Variants in KRABD4 observed in about 807,000 individuals in gnomAD.
The protein encoded by KRABD4 is KRAB domain containing 4, also known as KRAB domain-containing protein 4.
chrX:46,455,502 T>C, the KRABD4 span: 1 of 431,791 alleles, frequency 2.3e-6, no homozygotes, highest in Non-Finnish European at 4.2e-6. Flanking sequence ...TAGCAGTTTG[T>C]CCACCTGAGA....
chrX:46,447,411 A>T, the KRABD4 span: 1 of 111,202 alleles, frequency 9.0e-6, no homozygotes, highest in Non-Finnish European at 1.9e-5. Flanking sequence ...TCGTGGGGTC[A>T]TGGGGCCATG....
At chrX:46,463,351 G>T in the KRABD4 span, 1 of 1,119,063 alleles carries the variant, frequency 8.9e-7, no homozygotes, top group East Asian at 3.0e-5. Context: ...GTTGGTGAGA[G>T]CTTGGCCTCT....
At chrX:46,456,893 ATCTTT>A in the KRABD4 span, 1 of 350,290 alleles carries the variant, frequency 2.9e-6, no homozygotes, top group Non-Finnish European at 4.8e-6. Context: ...GAAGTAAGTC[ATCTTT>A]CTTACTGCGC....
At chrX:46,456,847 G>T in the KRABD4 span, 1 of 441,670 alleles carries the variant, frequency 2.3e-6, no homozygotes, top group Non-Finnish European at 3.5e-6. Flanking sequence ...AGGATGGTAT[G>T]TAATGAGTTG....
the KRABD4 span, chrX:46,455,157 A>T: frequency 4.5e-6 from 4 of 893,691 alleles, no homozygotes; most frequent in East Asian, 1.4e-4. Context: ...ACACAGCATG[A>T]TCACTAAGTA....
At chrX:46,455,713 C>T in the KRABD4 span, 2 of 380,877 alleles carry the variant, frequency 5.3e-6, no homozygotes, top group Admixed American at 6.8e-5. Flanking sequence ...GCTGTGTGAA[C>T]GTTATTCAGT....
At chrX:46,465,029 T>TTC in the KRABD4 span, among the ~76,000 whole-genome samples, 7 of 112,055 alleles carry the variant, frequency 6.2e-5, no homozygotes, top group East Asian at 1.1e-3. Flanking sequence ...CAGTTTTATC[T>TTC]TCTCTCTATG....
the KRABD4 span, among the ~76,000 whole-genome samples, chrX:46,463,949 A>G: frequency 2.7e-5 from 3 of 109,693 alleles, no homozygotes; most frequent in Non-Finnish European, 5.7e-5. Context: ...ATTTCTTCTC[A>G]GACTCTTACA....
the KRABD4 span, among the ~76,000 whole-genome samples, chrX:46,459,842 C>T: frequency 8.9e-6 from 1 of 111,840 alleles, no homozygotes; most frequent in African/African-American, 3.3e-5. Context: ...AATCCCAGGC[C>T]CCAGGCTGTT....
chrX:46,470,929 T>A, the KRABD4 span, among the ~76,000 whole-genome samples: 1 of 111,652 alleles, frequency 9.0e-6, no homozygotes, highest in African/African-American at 3.2e-5. Context: ...ATGTTCTATC[T>A]TGGTGAATGT....
the KRABD4 span, chrX:46,474,041 G>C: frequency 3.5e-5 from 4 of 112,755 alleles, no homozygotes; most frequent in African/African-American, 1.3e-4. Context: ...CAGATTGACT[G>C]TCATGGGATT....
the KRABD4 span, among the ~76,000 whole-genome samples, chrX:46,460,927 G>C: frequency 1.0e-5 from 1 of 98,366 alleles, no homozygotes; most frequent in Non-Finnish European, 2.0e-5. Flanking sequence ...ATCCTGTCTG[G>C]TTTTCTGGTG....
At chrX:46,472,774 T>C in the KRABD4 span, 1 of 1,210,929 alleles carries the variant, frequency 8.3e-7, no homozygotes, top group Admixed American at 2.2e-5. Context: ...GATGAGCAGA[T>C]AGATCACTAC....
chrX:46,472,037 T>C, the KRABD4 span: 1 of 112,150 alleles, frequency 8.9e-6, no homozygotes, highest in Admixed American at 9.5e-5. Flanking sequence ...AGAGTTATTT[T>C]CCATGGAAAT....
At chrX:46,450,605 C>A in the KRABD4 span, 1 of 516,146 alleles carries the variant, frequency 1.9e-6, no homozygotes, top group Non-Finnish European at 3.2e-6. Flanking sequence ...TGTTCTCAAC[C>A]TCTGGTTTCT....
At chrX:46,462,364 G>T in the KRABD4 span, 1 of 192,305 alleles carries the variant, frequency 5.2e-6, no homozygotes, top group East Asian at 1.2e-4. Flanking sequence ...ACAAAAATTA[G>T]CCGGGCGTGG....
At chrX:46,469,540 G>T in the KRABD4 span, among the ~76,000 whole-genome samples, 1 of 111,700 alleles carries the variant, frequency 9.0e-6, no homozygotes, top group Admixed American at 9.5e-5. Context: ...TTTCCATATT[G>T]GCTTTGTATC....
the KRABD4 span, chrX:46,447,346 A>C: frequency 9.4e-6 from 1 of 106,387 alleles, no homozygotes; most frequent in Non-Finnish European, 2.0e-5. Context: ...TTGGCGGTGA[A>C]GTAAGAGGGA....
At chrX:46,459,481 C>T in the KRABD4 span, among the ~76,000 whole-genome samples, 2 of 111,324 alleles carry the variant, frequency 1.8e-5, no homozygotes, top group African/African-American at 6.5e-5. Context: ...TTATTTTGTA[C>T]ACATTTAAAT....
Sources: gnomAD v4.1 joint callset for allele counts (sites outside exome capture counted in the v4.1 genomes callset) on GRCh38, gnomAD v4.1.1 for gene constraint, MANE v1.5 for transcripts, NCBI Gene and HGNC (gene_info 2026-07-23, HGNC 2026-07-21) for gene names.